Variants in CDK15 observed in about 807,000 individuals in gnomAD.
CDK15 encodes cyclin dependent kinase 15.
Under a neutral mutation model 60.3 loss-of-function variants are expected in CDK15, and 62 were observed. That is an observed-to-expected ratio of 1.03 (90% CI 0.84 to 1.27). The LOEUF (loss-of-function observed/expected upper bound fraction) is 1.27. Among genes scored for constraint, CDK15 ranks in the 50% most tolerant of loss-of-function variants. CDK15 has a pLI of 0.00. For synonymous variants in CDK15, 194 were observed against 195.7 expected (o/e 0.99, Z 0.07); for missense variants, 541 against 527.8 (o/e 1.03, Z -0.25).
intron 4 of CDK15, among the ~76,000 whole-genome samples, chr2:201,819,553 A>T (rs1316262252): frequency 2.6e-5 from 4 of 152,214 alleles, no homozygotes; most frequent in African/African-American, 4.8e-5. Flanking sequence ...TGAGAAGGAT[A>T]GCAGTGTCTG....
At chr2:201,848,052 G>A (rs1697747672) in intron 9 of CDK15, among the ~76,000 whole-genome samples, 1 of 152,122 alleles carries the variant, frequency 6.6e-6, no homozygotes, top group African/African-American at 2.4e-5. Flanking sequence ...CTTGAGCCCA[G>A]GGAAGTCGAG....
intron 3 of CDK15, among the ~76,000 whole-genome samples, chr2:201,809,364 T>G (rs191985047): frequency 5.9e-5 from 9 of 152,302 alleles, no homozygotes; most frequent in African/African-American, 1.9e-4. Flanking sequence ...TTCATTTAAC[T>G]CTTTCATCTA....
chr2:201,840,569 TTGTGTG>T (rs113809877), intron 8 of CDK15, among the ~76,000 whole-genome samples: 2,256 of 152,236 alleles, frequency 0.015, 64 homozygotes, highest in African/African-American at 0.051. Context: ...TTTGTTTTGT[TTGTGTG>T]TGTGTAGGCC....
intron 13 of CDK15, among the ~76,000 whole-genome samples, chr2:201,892,841 T>C (rs2105850473): frequency 6.6e-6 from 1 of 152,358 alleles, no homozygotes; most frequent in South Asian, 2.1e-4. Context: ...AAAATGTAAA[T>C]TGGCGTATTA....
rs755877050 is a variant in CDK15 at position 201,835,693 on chromosome 2, G to C, written c.781G>C (p.Val261Leu). Residue 261 changes from valine (V) to leucine (L), a missense_variant, in exon 8 of 14, where the codon GTG becomes CTG. By Grantham distance (32) the Val-to-Leu change is conservative. Transcript: ENST00000652192. ...CAGCCAGACATACTCTTCAGAAGTC[G>C]TGACCCTCTGGTACCGGCCCCCTGA... The part of the protein sequence containing the change: ...IPSQTYSSEV[V>L]TLWYRPPDAL... 2 of 1,611,414 alleles carry C rather than the reference G, an allele frequency of 1.2e-6. No homozygotes were observed. Among genetic ancestry groups the C allele is most frequent in the South Asian group, 2.2e-5 (2 of 90,804 alleles).
At chr2:201,858,425 T>A (rs536997993) in intron 10 of CDK15, among the ~76,000 whole-genome samples, 1 of 142,168 alleles carries the variant, frequency 7.0e-6, no homozygotes, top group East Asian at 2.3e-4. Context: ...TCCTTCCTTC[T>A]CTCTTTCACT....
chr2:201,830,354 G>A (rs1208477920), intron 6 of CDK15, among the ~76,000 whole-genome samples: 1 of 152,198 alleles, frequency 6.6e-6, no homozygotes, highest in Non-Finnish European at 1.5e-5. Context: ...GCCTCAGGAA[G>A]GAAGGCATGG....
intron 6 of CDK15, among the ~76,000 whole-genome samples, chr2:201,827,432 A>C (rs1165506898): frequency 6.6e-6 from 1 of 152,138 alleles, no homozygotes; most frequent in African/African-American, 2.4e-5. Context: ...GTGACAGAGG[A>C]AGACCCTGTC....
In CDK15 at chr2:201,806,602, AG is replaced by A; in HGVS notation, c.-61del. On this transcript the variant is annotated 5_prime_UTR_variant, in exon 1 of 14. Transcript: ENST00000652192. ...ACCTCTGGCAAAAAGGGAGAGAACA[AG>A]GATAGGAGAGGCAGTGGGGGAAAGG... 6.7e-7 allele frequency: 1 copy of A among 1,486,810 alleles called. No homozygotes were observed. Among genetic ancestry groups the A allele is most frequent in the Admixed American group, 2.0e-5 (1 of 50,376 alleles). 92.1% of individuals were successfully genotyped at this position (1,486,810 alleles called of 1,614,324 possible). A position where few individuals can be genotyped will look rare whatever the true frequency, so the allele number is the denominator to read the frequency against.
intron 8 of CDK15, among the ~76,000 whole-genome samples, chr2:201,844,371 T>C (rs1242341000): frequency 6.6e-6 from 1 of 152,172 alleles, no homozygotes; most frequent in Non-Finnish European, 1.5e-5. Context: ...GCTTATCTCT[T>C]AGTGGACCAT....
intron 8 of CDK15, among the ~76,000 whole-genome samples, chr2:201,836,008 T>A (rs1460216960): frequency 1.3e-4 from 13 of 96,730 alleles, no homozygotes; most frequent in African/African-American, 3.9e-4. Flanking sequence ...ATATTTATAT[T>A]TTTATATTTT....
intron 6 of CDK15, among the ~76,000 whole-genome samples, chr2:201,831,046 G>C (rs1292956542): frequency 6.6e-6 from 1 of 152,192 alleles, no homozygotes; most frequent in African/African-American, 2.4e-5. Flanking sequence ...GGGAGAGAGA[G>C]GAGCAATAGA....
rs1417497763 is a variant in CDK15 at position 201,895,405 on chromosome 2, A to G, written c.*2138A>G. 1.3e-5 allele frequency: 2 copies of G among 152,252 alleles called. No homozygotes were observed. Among genetic ancestry groups the G allele is most frequent in the Non-Finnish European group, 2.9e-5 (2 of 68,034 alleles). 9.4% of individuals were successfully genotyped at this position (152,252 alleles called of 1,614,324 possible). A position where few individuals can be genotyped will look rare whatever the true frequency, so the allele number is the denominator to read the frequency against. ...GAACATTATGCTTATGCATATGCAT[A>G]TACCTTATGCATATGATTATGCTTG... On this transcript the variant is annotated 3_prime_UTR_variant, in exon 14 of 14. Transcript: ENST00000652192.
At chr2:201,811,009 A>C (rs1695735774) in intron 3 of CDK15, among the ~76,000 whole-genome samples, 1 of 151,196 alleles carries the variant, frequency 6.6e-6, no homozygotes, top group African/African-American at 2.4e-5. Flanking sequence ...TACCCGGCTA[A>C]TTTTTTGTAT....
intron 12 of CDK15, among the ~76,000 whole-genome samples, chr2:201,884,784 T>C (rs1276866654): frequency 6.6e-6 from 1 of 152,254 alleles, no homozygotes; most frequent in Non-Finnish European, 1.5e-5. Flanking sequence ...GGGAGAATCA[T>C]GTTCCATTCA....
intron 8 of CDK15, among the ~76,000 whole-genome samples, chr2:201,840,299 A>C (rs938609733): frequency 2.0e-5 from 3 of 152,184 alleles, no homozygotes; most frequent in Non-Finnish European, 4.4e-5. Flanking sequence ...ACATATGTTC[A>C]AAAATTCAAG....
chr2:201,836,444 T>C (rs1275476451), intron 8 of CDK15, among the ~76,000 whole-genome samples: 5 of 151,740 alleles, frequency 3.3e-5, no homozygotes, highest in African/African-American at 1.2e-4. Flanking sequence ...CTTCTGAATC[T>C]GACACTCTTT....
chr2:201,881,162 G>A (rs1011072578), intron 12 of CDK15, among the ~76,000 whole-genome samples: 6 of 152,142 alleles, frequency 3.9e-5, no homozygotes, highest in South Asian at 2.1e-4. Context: ...AGCCTGGTCC[G>A]CCTTGCCAGA....
intron 10 of CDK15, among the ~76,000 whole-genome samples, chr2:201,869,354 G>A (rs1698765817): frequency 7.5e-6 from 1 of 133,694 alleles, no homozygotes; most frequent in Non-Finnish European, 1.6e-5. Context: ...ACAGGGCGGG[G>A]AACATCACAC....
Sources: gnomAD v4.1 joint callset for allele counts (sites outside exome capture counted in the v4.1 genomes callset) on GRCh38, gnomAD v4.1.1 for gene constraint, MANE v1.5 for transcripts, NCBI Gene and HGNC (gene_info 2026-07-23, HGNC 2026-07-21) for gene names.